The following ALPK1 variants were observed in gnomAD, a reference collection of about 807,000 sequenced individuals.
The protein encoded by ALPK1 is alpha kinase 1.
In ALPK1, 110 loss-of-function variants were observed where a neutral mutation model predicts 120.6. That is an observed-to-expected ratio of 0.91 (90% CI 0.78 to 1.07). The LOEUF is 1.07. ALPK1 is among the 50% of genes least tolerant of loss of function. The pLI is 0.00. For synonymous variants in ALPK1, 582 were observed against 560.3 expected (o/e 1.04, Z -0.55); for missense variants, 1,498 against 1,483.9 (o/e 1.01, Z -0.16).
intron 1 of ALPK1, among the ~76,000 whole-genome samples, chr4:112,310,863 A>T (rs905509314): frequency 2.0e-5 from 3 of 152,170 alleles, no homozygotes; most frequent in African/African-American, 7.2e-5. Context: ...CTACTGTAGC[A>T]GACCAGGCTG....
chr4:112,357,289 C>T (rs886393981), intron 2 of ALPK1: 13 of 1,066,806 alleles, frequency 1.2e-5, no homozygotes, highest in Non-Finnish European at 1.8e-5. Flanking sequence ...CCAACACAGC[C>T]GGACTGCAGA....
intron 6 of ALPK1, 85 bp from the exon 7 acceptor site, chr4:112,425,580 G>A: frequency 9.1e-7 from 1 of 1,099,054 alleles, no homozygotes; most frequent in Non-Finnish European, 1.4e-6. Context: ...TGTCACATGT[G>A]CTCATGAAGA....
intron 4 of ALPK1, among the ~76,000 whole-genome samples, chr4:112,389,719 A>G (rs1418550217): frequency 6.6e-6 from 1 of 152,208 alleles, no homozygotes; most frequent in Non-Finnish European, 1.5e-5. Context: ...GAGACAGCAC[A>G]GGAGGGGAAG....
chr4:112,396,051 G>T (rs1732635893), intron 4 of ALPK1, among the ~76,000 whole-genome samples: 1 of 151,904 alleles, frequency 6.6e-6, no homozygotes, highest in Admixed American at 6.6e-5. Context: ...TTTCTTAGTT[G>T]TCATGTTTCA....
At chr4:112,429,291 C>A in intron 10 of ALPK1, 38 bp downstream of exon 10, 2 of 1,525,416 alleles carry the variant, frequency 1.3e-6, no homozygotes, top group Non-Finnish European at 1.8e-6. Flanking sequence ...CCCCACAGGA[C>A]CTCTCCCAGG....
intron 2 of ALPK1, among the ~76,000 whole-genome samples, chr4:112,350,183 C>T (rs777834534): frequency 6.6e-6 from 1 of 152,208 alleles, no homozygotes; most frequent in Non-Finnish European, 1.5e-5. Context: ...TACTCCAAGA[C>T]AGATTGCTCC....
At chr4:112,300,630 T>A (rs1263072664) in intron 1 of ALPK1, among the ~76,000 whole-genome samples, 4 of 151,970 alleles carry the variant, frequency 2.6e-5, no homozygotes, top group African/African-American at 7.2e-5. Flanking sequence ...TTGGTTCATT[T>A]TTCTTGTGTT....
At chr4:112,318,123 G>A (rs189923303) in intron 2 of ALPK1, among the ~76,000 whole-genome samples, 1 of 152,246 alleles carries the variant, frequency 6.6e-6, no homozygotes, top group Non-Finnish European at 1.5e-5. Flanking sequence ...CCTTTTTAAA[G>A]TATATACTTA....
chr4:112,333,935 T>C (rs190175736), intron 2 of ALPK1, among the ~76,000 whole-genome samples: 2 of 145,186 alleles, frequency 1.4e-5, no homozygotes, highest in African/African-American at 5.6e-5. Context: ...GTTTTTTGTG[T>C]TTTTTTTTGG....
At chr4:112,356,712 A>C (rs1042590576) in intron 2 of ALPK1, 31 of 967,568 alleles carry the variant, frequency 3.2e-5, no homozygotes, top group Non-Finnish European at 4.5e-5. Context: ...CTGGACATCG[A>C]GGACTTGGTC....
chr4:112,406,727 G>A (rs1733190898), intron 4 of ALPK1, among the ~76,000 whole-genome samples: 1 of 151,864 alleles, frequency 6.6e-6, no homozygotes, highest in Non-Finnish European at 1.5e-5. Flanking sequence ...TGTCTGTGTA[G>A]AGGCTGGCCA....
intron 2 of ALPK1, among the ~76,000 whole-genome samples, chr4:112,316,468 TG>T (rs1728638093): frequency 6.6e-6 from 1 of 152,240 alleles, no homozygotes; most frequent in Non-Finnish European, 1.5e-5. Flanking sequence ...GTAATGGACA[TG>T]GGTATATAAA....
chr4:112,353,356 T>A (rs1418184080), intron 2 of ALPK1, among the ~76,000 whole-genome samples: 1 of 152,188 alleles, frequency 6.6e-6, no homozygotes, highest in South Asian at 2.1e-4. Flanking sequence ...ACAAACTGTG[T>A]CACTATAAAG....
At chr4:112,410,655 GA>G (rs1263228564) in intron 4 of ALPK1, among the ~76,000 whole-genome samples, 2 of 152,190 alleles carry the variant, frequency 1.3e-5, no homozygotes, top group African/African-American at 4.8e-5. Context: ...GTATTTGGGT[GA>G]TAAACTCATT....
intron 2 of ALPK1, among the ~76,000 whole-genome samples, chr4:112,327,591 G>A (rs1361117185): frequency 1.3e-5 from 2 of 151,976 alleles, no homozygotes; most frequent in Non-Finnish European, 2.9e-5. Context: ...GTGCACAACC[G>A]AGCCCTGATA....
intron 2 of ALPK1, chr4:112,356,442 G>A: frequency 1.1e-6 from 1 of 943,872 alleles, no homozygotes; most frequent in Non-Finnish European, 1.7e-6. Context: ...TTGCTACACG[G>A]ACATCCCAAA....
chr4:112,427,282 A>G (rs1447439299), intron 8 of ALPK1, among the ~76,000 whole-genome samples: 1 of 152,148 alleles, frequency 6.6e-6, no homozygotes, highest in African/African-American at 2.4e-5. Flanking sequence ...CAGGGTATTA[A>G]TTATTACACA....
intron 4 of ALPK1, among the ~76,000 whole-genome samples, chr4:112,405,217 G>A (rs998788140): frequency 7.9e-5 from 12 of 152,060 alleles, no homozygotes; most frequent in Non-Finnish European, 1.6e-4. Context: ...CATAACTCAG[G>A]GAGACCATTT....
At chr4:112,379,600 C>A (rs1207298717) in intron 3 of ALPK1, among the ~76,000 whole-genome samples, 1 of 152,226 alleles carries the variant, frequency 6.6e-6, no homozygotes, top group African/African-American at 2.4e-5. Flanking sequence ...GTGCCGCCAC[C>A]GATGTCGTCA....
Sources: gnomAD v4.1 joint callset for allele counts (sites outside exome capture counted in the v4.1 genomes callset) on GRCh38, gnomAD v4.1.1 for gene constraint, MANE v1.5 for transcripts, NCBI Gene and HGNC (gene_info 2026-07-23, HGNC 2026-07-21) for gene names.